The following FAM110A variants were observed in gnomAD, a reference collection of about 807,000 sequenced individuals.
FAM110A encodes the protein protein FAM110A.
Under a neutral mutation model 4.0 loss-of-function variants are expected in FAM110A, and 1 was observed. The observed-to-expected ratio is 0.25, with a 90% CI of 0.09 to 1.20. The LOEUF is 1.20. Ranked by LOEUF, FAM110A falls within the 50% of genes most tolerant of loss-of-function variation. The pLI is 0.50. For missense variants in FAM110A, 436 were observed against 429.2 expected (o/e 1.02, Z -0.14); for synonymous variants, 217 against 196.8 (o/e 1.10, Z -0.86).
intron 1 of FAM110A, among the ~76,000 whole-genome samples, chr20:841,071 G>T (rs1979864190): frequency 6.6e-6 from 1 of 152,132 alleles, no homozygotes; most frequent in Admixed American, 6.5e-5. Flanking sequence ...GGCGGGTCTC[G>T]GCTCCCGGAA....
At chr20:836,878 G>C (rs777965421) in intron 1 of FAM110A, among the ~76,000 whole-genome samples, 50 of 151,752 alleles carry the variant, frequency 3.3e-4, no homozygotes, top group Non-Finnish European at 6.2e-4. Flanking sequence ...GTTATTTTCT[G>C]TTTGTATTTT....
chr20:841,338 G>GA (rs919857118), intron 1 of FAM110A: 396 of 152,576 alleles, frequency 2.6e-3, no homozygotes, highest in Non-Finnish European at 4.6e-3. Context: ...CCGCGGCGGG[G>GA]GGCGCCCAGC....
chr20:838,878 G>A (rs1979721627), intron 1 of FAM110A, among the ~76,000 whole-genome samples: 1 of 149,974 alleles, frequency 6.7e-6, no homozygotes, highest in Non-Finnish European at 1.5e-5. Context: ...GGAGTGCAGT[G>A]GCTCAATCTC....
chr20:843,860 C>T (rs1980084259), intron 1 of FAM110A, among the ~76,000 whole-genome samples: 1 of 152,218 alleles, frequency 6.6e-6, no homozygotes, highest in African/African-American at 2.4e-5. Context: ...CGAGGGTCTG[C>T]CGGATGCCTC....
rs768448023 is a variant in FAM110A at position 845,502 on chromosome 20, C to T, written c.698C>T (p.Ser233Phe). 1.2e-6 allele frequency: 2 copies of T among 1,612,336 alleles called. No homozygotes were observed. The highest frequency in any genetic ancestry group is 1.7e-5 in the Admixed American group (1 of 59,860). The change falls in exon 2 of 2, where the codon TCC becomes TTC. Residue 233 changes from serine (S) to phenylalanine (F), a missense_variant. By Grantham distance (155) the Ser-to-Phe change is radical. Coordinates refer to ENST00000381941, the MANE Select transcript of FAM110A (RefSeq NM_001042353.3). ...HLARASSDIV[S>F]LAGPSAGPGS... The stretch of plus-strand genomic sequence containing the variant: ...GCACGGGCCAGCTCGGATATCGTGT[C>T]CCTGGCAGGGCCCAGTGCTGGGCCG...
rs778543148 is a variant in FAM110A, at chr20:845,129, A to C, written c.325A>C (p.Ser109Arg). Residue 109 changes from serine to arginine, a missense_variant, in exon 2 of 2, where the codon AGC becomes CGC. By Grantham distance (110) the Ser-to-Arg change is moderately radical. Coordinates refer to ENST00000381941, the MANE Select transcript of FAM110A (RefSeq NM_001042353.3). ...RPQLDLDILS[S>R]LIDLCDSPVS... is the part of the protein sequence containing the mutation. ...CCAGCTGGACCTGGACATCCTCAGC[A>C]GCCTCATCGACTTGTGTGACAGCCC... is the stretch of plus-strand genomic sequence containing the variant. 3.2e-6 allele frequency: 5 copies of C among 1,585,108 alleles called. No individual in the cohort carries two copies. The highest frequency in any genetic ancestry group is 2.3e-5 in the South Asian group (2 of 88,048).
chr20:845,492 G>C lies in FAM110A; in HGVS notation c.688G>C (p.Asp230His), dbSNP rs745837417. 6.2e-7 allele frequency: 1 copy of C among 1,612,702 alleles called. No homozygotes were observed. Among genetic ancestry groups the C allele is most frequent in the South Asian group, 1.1e-5 (1 of 90,942 alleles). The change falls in exon 2 of 2, where the codon GAT becomes CAT. Residue 230 changes from aspartate to histidine, a missense_variant. Physicochemically the swap from Asp to His is moderately conservative, Grantham distance 81. Coordinates refer to ENST00000381941, the MANE Select transcript of FAM110A (RefSeq NM_001042353.3). ...GGCCCACCTGGCACGGGCCAGCTCG[G>C]ATATCGTGTCCCTGGCAGGGCCCAG... ...GVAHLARASS[D>H]IVSLAGPSAG...
At chr20:844,407 C>G (rs1980121866) in intron 1 of FAM110A, among the ~76,000 whole-genome samples, 1 of 150,570 alleles carries the variant, frequency 6.6e-6, no homozygotes, top group Admixed American at 6.6e-5. Flanking sequence ...CTCCCTTTAG[C>G]GCGTGCCTTG....
rs146947170 is a variant in FAM110A at position 834,163 on chromosome 20, T to C, written c.-98+212T>C. Reference sequence around the variant, plus strand: ...CCCACCTCGCAGCCCCCTAGTCTAGTCACATCTGGACTTGCCTTGAGAGGC... The same window carrying C: ...CCCACCTCGCAGCCCCCTAGTCTAGCCACATCTGGACTTGCCTTGAGAGGC... On this transcript the variant is annotated intron_variant, in intron 1 of 1. Coordinates refer to ENST00000381941, the MANE Select transcript of FAM110A (RefSeq NM_001042353.3). This position sits in a 1 kb window ranked among gnomAD's most constrained non-coding sequence, Gnocchi z 5.6. Among the ~76,000 whole-genome samples, 263 of 152,292 alleles carry C rather than the reference T, an allele frequency of 1.7e-3. 1 individual carries two copies. Among genetic ancestry groups the C allele is most frequent in the African/African-American group, 5.9e-3 (247 of 41,560 alleles).
chr20:838,109 C>T (rs1979678258), intron 1 of FAM110A, among the ~76,000 whole-genome samples: 1 of 152,104 alleles, frequency 6.6e-6, no homozygotes, highest in Non-Finnish European at 1.5e-5. Context: ...AGGATTGCTT[C>T]AGCCCATCTA....
intron 1 of FAM110A, among the ~76,000 whole-genome samples, chr20:837,189 A>G (rs1251818790): frequency 6.6e-6 from 1 of 150,952 alleles, no homozygotes; most frequent in East Asian, 2.0e-4. Flanking sequence ...AGTAGCTGGG[A>G]TTATAGGCCC....
Position 844,762 on chromosome 20 carries a change from C to T in FAM110A, c.-43C>T. 7.2e-7 allele frequency: 1 copy of T among 1,389,276 alleles called. No individual in the cohort carries two copies. Among genetic ancestry groups the T allele is most frequent in the Non-Finnish European group, 9.3e-7 (1 of 1,075,778 alleles). 86.1% of individuals were successfully genotyped at this position (1,389,276 alleles called of 1,614,324 possible). Reference sequence around the variant, plus strand: ...TGCCCGGATCTCTGGCTCCTCATCTCTCCGGTCTCCGCAGACTAAAGCCCT... The same window carrying T: ...TGCCCGGATCTCTGGCTCCTCATCTTTCCGGTCTCCGCAGACTAAAGCCCT... On this transcript the variant is annotated 5_prime_UTR_variant, in exon 2 of 2. Coordinates refer to ENST00000381941, the MANE Select transcript of FAM110A (RefSeq NM_001042353.3).
chr20:845,125 C>G lies in FAM110A; in HGVS notation c.321C>G (p.Leu107=), dbSNP rs1052034590. 7.6e-6 allele frequency: 12 copies of G among 1,586,792 alleles called. No individual in the cohort carries two copies. Among genetic ancestry groups the G allele is most frequent in the Admixed American group, 1.7e-5 (1 of 57,768 alleles). Reference sequence around the variant, plus strand: ...GGCCCCAGCTGGACCTGGACATCCTCAGCAGCCTCATCGACTTGTGTGACA... The same window carrying G: ...GGCCCCAGCTGGACCTGGACATCCTGAGCAGCCTCATCGACTTGTGTGACA... The part of the protein sequence containing the change: ...CRRPQLDLDI[L]SSLIDLCDSP... The change falls in exon 2 of 2, where the codon CTC becomes CTG. Residue 107 remains leucine, a synonymous_variant. Transcript: ENST00000381941.
intron 1 of FAM110A, among the ~76,000 whole-genome samples, chr20:841,491 G>C (rs574772416): frequency 7.5e-4 from 115 of 152,320 alleles, no homozygotes; most frequent in Non-Finnish European, 9.6e-4. Flanking sequence ...CGAGGGGCAA[G>C]GGTCACACAG....
chr20:845,830 TAG>T lies in FAM110A; in HGVS notation c.*141_*142del. The T allele has an allele frequency of 6.8e-7, 1 of 1,465,314 alleles. No homozygotes were observed. Among genetic ancestry groups the T allele is most frequent in the Non-Finnish European group, 9.0e-7 (1 of 1,104,990 alleles). 90.8% of individuals were successfully genotyped at this position (1,465,314 alleles called of 1,614,324 possible). A position where few individuals can be genotyped will look rare whatever the true frequency, so the allele number is the denominator to read the frequency against. ...TGAACTTGGTATGGAGGCAAAGGCT[TAG>T]AGGCTGGACCAGCATTGTTGGGCAA... On this transcript the variant is annotated 3_prime_UTR_variant, in exon 2 of 2. Coordinates refer to ENST00000381941, the MANE Select transcript of FAM110A (RefSeq NM_001042353.3).
In FAM110A at chr20:840,428, G is replaced by T. The variant is rs1979823846; in HGVS notation, c.-97-4280G>T. Reference sequence around the variant, plus strand: ...AATGGCCTATCAAATGTTCCTACCTGCAGTGAGTTATAGGACTTGGGGTGG... The same window carrying T: ...AATGGCCTATCAAATGTTCCTACCTTCAGTGAGTTATAGGACTTGGGGTGG... On this transcript the variant is annotated intron_variant, in intron 1 of 1. Transcript: ENST00000381941. This position sits in a 1 kb window ranked among gnomAD's most constrained non-coding sequence, Gnocchi z 4.4. Among the ~76,000 whole-genome samples the T allele has an allele frequency of 6.6e-6, 1 of 152,188 alleles. No individual in the cohort carries two copies. The highest frequency in any genetic ancestry group is 1.5e-5 in the Non-Finnish European group (1 of 68,026).
At position 845,726 on chromosome 20, in the gene FAM110A, A is replaced by T. The variant is rs1219350157; in HGVS notation, c.*34A>T. ...GGGCCTGGAATTCGCCACAGGACGG[A>T]TCTTACAGAGGCAAGTGGTCCCTGG... On this transcript the variant is annotated 3_prime_UTR_variant, in exon 2 of 2. Coordinates refer to ENST00000381941, the MANE Select transcript of FAM110A (RefSeq NM_001042353.3). The T allele has an allele frequency of 3.7e-6, 6 of 1,612,864 alleles. No individual in the cohort carries two copies. The highest frequency in any genetic ancestry group is 5.1e-6 in the Non-Finnish European group (6 of 1,179,586).
At chr20:842,664 G>A (rs1000115395) in intron 1 of FAM110A, among the ~76,000 whole-genome samples, 31 of 152,172 alleles carry the variant, frequency 2.0e-4, no homozygotes, top group Admixed American at 2.0e-3. Context: ...GAGGAGGAGG[G>A]GACAGATATG....
rs1347412706 is a variant in FAM110A at position 833,964 on chromosome 20, G to A, written c.-98+13G>A. ...GCGCGGGCTCCAGGTGAGGGCGCGG[G>A]TGGGTCCGGGTGCGACCCCGGGTCT... On this transcript the variant is annotated intron_variant, in intron 1 of 1. Coordinates refer to ENST00000381941, the MANE Select transcript of FAM110A (RefSeq NM_001042353.3). This position sits in a 1 kb window ranked among gnomAD's most constrained non-coding sequence, Gnocchi z 4.1. The A allele has an allele frequency of 6.6e-6, 1 of 152,308 alleles. No homozygotes were observed. Among genetic ancestry groups the A allele is most frequent in the African/African-American group, 2.4e-5 (1 of 41,450 alleles). 9.4% of individuals were successfully genotyped at this position (152,308 alleles called of 1,614,324 possible).
Sources: gnomAD v4.1 joint callset for allele counts (sites outside exome capture counted in the v4.1 genomes callset) on GRCh38, gnomAD v4.1.1 for gene constraint, Gnocchi (gnomAD v3.1) non-coding constraint, MANE v1.5 for transcripts, NCBI Gene and HGNC (gene_info 2026-07-23, HGNC 2026-07-21) for gene names.